Variants in FTO observed in about 807,000 individuals in gnomAD.
FTO encodes the protein FTO alpha-ketoglutarate dependent dioxygenase, also known as alpha-ketoglutarate-dependent dioxygenase FTO.
In FTO, 47 loss-of-function variants were observed where a neutral mutation model predicts 63.9. That is an observed-to-expected ratio of 0.74 (90% CI 0.58 to 0.94). The LOEUF (loss-of-function observed/expected upper bound fraction) is 0.94, where lower values mean the gene tolerates loss of function less well. Ranked by LOEUF, FTO falls within the 40% of genes least tolerant of loss-of-function variation. The probability of loss-of-function intolerance (pLI) is 0.00; values close to 1 mark genes in which losing one functional copy is unlikely to be tolerated. For synonymous variants in FTO, 207 were observed against 224.4 expected (o/e 0.92, Z 0.69); for missense variants, 562 against 618.1 (o/e 0.91, Z 0.96).
chr16:53,934,634 G>A (rs1431628464), intron 8 of FTO, among the ~76,000 whole-genome samples: 1 of 152,120 alleles, frequency 6.6e-6, no homozygotes, highest in African/African-American at 2.4e-5. Context: ...TAGGCTATAT[G>A]GTGTCGTCTG....
chr16:53,797,692 G>A (rs1010184820), intron 1 of FTO, among the ~76,000 whole-genome samples: 1 of 152,088 alleles, frequency 6.6e-6, no homozygotes, highest in African/African-American at 2.4e-5. Flanking sequence ...CAATCATGTT[G>A]TAGGTGTTTA....
rs1266465781 is a variant in FTO at position 53,842,831 on chromosome 16, GC to G, written c.752-1320del. On this transcript the variant is annotated intron_variant, in intron 3 of 8. Transcript: ENST00000471389. ...TGGAGCCACAGGCACGTGCCACCAT[GC>G]CCCACTCATTTCTTTTACTTTTTGT... Among the ~76,000 whole-genome samples, 5 of 152,092 alleles carry G rather than the reference GC, an allele frequency of 3.3e-5. No homozygotes were observed. In the East Asian group the frequency reaches 9.7e-4, roughly 29 times the overall value.
intron 7 of FTO, among the ~76,000 whole-genome samples, chr16:53,909,249 A>C (rs574686714): frequency 1.3e-5 from 2 of 152,318 alleles, no homozygotes; most frequent in African/African-American, 4.8e-5. Flanking sequence ...TTAAAGGTTT[A>C]AGGTGTCGAA....
chr16:54,105,307 AAAC>A lies in FTO; in HGVS notation c.1365-6450_1365-6448del, dbSNP rs753330587. On this transcript the variant is annotated intron_variant, in intron 8 of 8. Coordinates refer to ENST00000471389, the MANE Select transcript of FTO (RefSeq NM_001080432.3). ...TAGTCCTTCTAGAAACTGGAGGTAA[AAAC>A]AACATTTGCTTCTTTCCTCTGAAAT... 3.3e-5 allele frequency among the ~76,000 whole-genome samples: 5 copies of A among 152,360 alleles called. No individual in the cohort carries two copies. The East Asian group carries it at 5.8e-4, about 18-fold the overall frequency.
At chr16:53,915,007 A>G (rs933861234) in intron 7 of FTO, among the ~76,000 whole-genome samples, 2 of 152,192 alleles carry the variant, frequency 1.3e-5, no homozygotes, top group African/African-American at 4.8e-5. Flanking sequence ...GCGTTCACCA[A>G]GCTGAAGCAA....
At chr16:53,974,958 TTA>T (rs2083402586) in intron 8 of FTO, among the ~76,000 whole-genome samples, 1 of 152,190 alleles carries the variant, frequency 6.6e-6, no homozygotes, top group African/African-American at 2.4e-5. Context: ...GTCAAACTAT[TTA>T]TAGAAACATT....
chr16:54,099,445 C>T (rs929540430), intron 8 of FTO, among the ~76,000 whole-genome samples: 10 of 152,150 alleles, frequency 6.6e-5, no homozygotes, highest in Admixed American at 3.9e-4. Context: ...CCAACCCGGC[C>T]TCTCTTAAAG....
chr16:53,955,906 G>A (rs1479516135), intron 8 of FTO, among the ~76,000 whole-genome samples: 1 of 152,136 alleles, frequency 6.6e-6, no homozygotes, highest in African/African-American at 2.4e-5. Flanking sequence ...GGCTTTGGAA[G>A]GCCAAGGTGG....
chr16:53,760,205 GGT>G (rs1173270081), intron 1 of FTO, among the ~76,000 whole-genome samples: 7,748 of 125,136 alleles, frequency 0.062, 255 homozygotes, highest in Admixed American at 0.12. Flanking sequence ...CTTCAGCTTT[GGT>G]GTGTGTGTGT....
intron 3 of FTO, among the ~76,000 whole-genome samples, chr16:53,842,988 C>T (rs1567350859): frequency 6.6e-6 from 1 of 152,086 alleles, no homozygotes; most frequent in Non-Finnish European, 1.5e-5. Flanking sequence ...ACTTTGTTTT[C>T]TATATGAGTA....
chr16:53,849,465 C>T (rs541659570), intron 4 of FTO, among the ~76,000 whole-genome samples: 1 of 152,252 alleles, frequency 6.6e-6, no homozygotes, highest in Non-Finnish European at 1.5e-5. Context: ...CCATTCCATA[C>T]GTATATTTGC....
chr16:53,719,223 TTAC>T (rs200684530), intron 1 of FTO, among the ~76,000 whole-genome samples: 2 of 151,488 alleles, frequency 1.3e-5, no homozygotes, highest in African/African-American at 4.9e-5. Context: ...AGTTTGAACT[TTAC>T]TTCTTCTTCT....
intron 8 of FTO, among the ~76,000 whole-genome samples, chr16:54,102,492 C>G (rs1444967785): frequency 6.6e-6 from 1 of 152,140 alleles, no homozygotes; most frequent in Non-Finnish European, 1.5e-5. Flanking sequence ...AGGAGGATCA[C>G]TTGAGTCCAG....
intron 2 of FTO, among the ~76,000 whole-genome samples, chr16:53,813,014 G>A (rs9935403): frequency 0.061 from 9,205 of 152,106 alleles, 578 homozygotes; most frequent in African/African-American, 0.17. Context: ...AGCTTTTGTC[G>A]TGTGAAAATG....
intron 7 of FTO, among the ~76,000 whole-genome samples, chr16:53,913,877 G>A (rs1295706810): frequency 6.6e-6 from 1 of 152,034 alleles, no homozygotes; most frequent in Non-Finnish European, 1.5e-5. Flanking sequence ...TACCCAGGAG[G>A]CTGAGGCAGG....
At chr16:53,947,573 G>C (rs567899457) in intron 8 of FTO, among the ~76,000 whole-genome samples, 28 of 152,190 alleles carry the variant, frequency 1.8e-4, no homozygotes, top group African/African-American at 6.5e-4. Flanking sequence ...CATTTTATTT[G>C]TGGTGGTGAT....
intron 8 of FTO, among the ~76,000 whole-genome samples, chr16:53,985,365 C>T (rs1317447755): frequency 1.3e-5 from 2 of 152,184 alleles, no homozygotes; most frequent in African/African-American, 4.8e-5. Flanking sequence ...TTCTCATTCT[C>T]ATCTCAGATA....
intron 1 of FTO, among the ~76,000 whole-genome samples, chr16:53,764,995 C>T (rs1470706018): frequency 6.6e-6 from 1 of 152,096 alleles, no homozygotes; most frequent in East Asian, 1.9e-4. Context: ...GCTGGGATTA[C>T]AGGCATGAGC....
At chr16:53,884,328 C>G (rs2080940186) in intron 6 of FTO, among the ~76,000 whole-genome samples, 1 of 152,086 alleles carries the variant, frequency 6.6e-6, no homozygotes, top group Non-Finnish European at 1.5e-5. Flanking sequence ...GTAAATGTCC[C>G]CTAGAAGAAT....
Sources: allele counts gnomAD v4.1 joint callset (sites outside exome capture counted in the v4.1 genomes callset), GRCh38; gene constraint gnomAD v4.1.1; transcripts MANE v1.5; gene names NCBI Gene and HGNC (gene_info 2026-07-23, HGNC 2026-07-21).